CAMTA1: variants seen among roughly 807,000 people sequenced by gnomAD.
CAMTA1 encodes calmodulin binding transcription activator 1, also known as calmodulin-binding transcription activator 1.
CAMTA1 carries 27 observed loss-of-function variants against 170.9 expected under a neutral mutation model. The observed-to-expected ratio is 0.16, with a 90% CI of 0.12 to 0.22. The LOEUF is 0.22. Ranked by LOEUF, CAMTA1 falls within the 10% of genes least tolerant of loss-of-function variation. The pLI is 1.00. For missense variants in CAMTA1, 1,619 were observed against 2,217.2 expected (o/e 0.73, Z 5.42); for synonymous variants, 833 against 891.5 (o/e 0.93, Z 1.17).
intron 4 of CAMTA1, among the ~76,000 whole-genome samples, chr1:7,163,998 A>G (rs531428053): frequency 4.6e-5 from 7 of 152,314 alleles, no homozygotes; most frequent in South Asian, 2.1e-4. Flanking sequence ...AGCACCTACT[A>G]TGTGCTCAAA....
chr1:7,558,516 A>G (rs2094912086), intron 6 of CAMTA1, among the ~76,000 whole-genome samples: 1 of 152,208 alleles, frequency 6.6e-6, no homozygotes, highest in Non-Finnish European at 1.5e-5. Context: ...AAAGTCTTAA[A>G]ATGTATTTAG....
chr1:7,436,801 C>T (rs549952725), intron 5 of CAMTA1, among the ~76,000 whole-genome samples: 9 of 152,268 alleles, frequency 5.9e-5, no homozygotes, highest in African/African-American at 1.4e-4. Context: ...GGGGTCCCAG[C>T]GGGGCGGATG....
chr1:7,488,971 GCACA>G lies in CAMTA1; in HGVS notation c.510+21082_510+21085del, dbSNP rs534918581. On this transcript the variant is annotated intron_variant, in intron 6 of 22. Coordinates refer to ENST00000303635, the MANE Select transcript of CAMTA1 (RefSeq NM_015215.4). ...TTCACACATACACATATACATACAA[GCACA>G]CACACACACACGCTGCCACCCCCAG... Among the ~76,000 whole-genome samples the G allele has an allele frequency of 5.3e-5, 8 of 151,214 alleles. No individual in the cohort carries two copies. In the Middle Eastern group the frequency reaches 0.01, roughly 196 times the overall value.
At position 7,663,648 on chromosome 1, in the gene CAMTA1, C is replaced by T. The variant is rs775411148; in HGVS notation, c.1101C>T (p.Asn367=). Residue 367 remains asparagine (N), a synonymous_variant, in exon 9 of 23, where the codon AAC becomes AAT. Coordinates refer to ENST00000303635, the MANE Select transcript of CAMTA1 (RefSeq NM_015215.4). The part of the protein sequence containing the change: ...SSPVSISSGL[N]SDPDMVDSPV... Reference sequence around the variant, plus strand: ...CTGTGTCCATCAGCAGCGGGCTCAACAGCGACCCGGACATGGTGGACAGCC... The same window carrying T: ...CTGTGTCCATCAGCAGCGGGCTCAATAGCGACCCGGACATGGTGGACAGCC... 7 of 1,614,074 alleles carry T rather than the reference C, an allele frequency of 4.3e-6. No individual in the cohort carries two copies. Among genetic ancestry groups the T allele is most frequent in the African/African-American group, 2.7e-5 (2 of 74,934 alleles).
At chr1:7,104,497 CCTT>C (rs960146739) in intron 4 of CAMTA1, among the ~76,000 whole-genome samples, 1 of 152,172 alleles carries the variant, frequency 6.6e-6, no homozygotes, top group Admixed American at 6.5e-5. Flanking sequence ...TGGAGTCTGA[CCTT>C]CTGAGTGTGG....
At chr1:7,631,134 C>T (rs1204518829) in intron 6 of CAMTA1, among the ~76,000 whole-genome samples, 1 of 152,190 alleles carries the variant, frequency 6.6e-6, no homozygotes, top group Non-Finnish European at 1.5e-5. Flanking sequence ...ACAGGGACAT[C>T]TGCAGCCTCG....
At position 7,516,939 on chromosome 1, in the gene CAMTA1, A is replaced by G. The variant is rs151214885; in HGVS notation, c.510+49038A>G. Among the ~76,000 whole-genome samples, 19 of 152,304 alleles carry G rather than the reference A, an allele frequency of 1.2e-4. 1 individual carries two copies. In the East Asian group the frequency reaches 2.5e-3, roughly 20 times the overall value. On this transcript the variant is annotated intron_variant, in intron 6 of 22. Coordinates refer to ENST00000303635, the MANE Select transcript of CAMTA1 (RefSeq NM_015215.4). The stretch of plus-strand genomic sequence containing the variant: ...AATCCATGCCCATGTTTAAAAATCT[A>G]ATCATTAAAAAAAGGTAGAATGGTA...
intron 3 of CAMTA1, among the ~76,000 whole-genome samples, chr1:7,017,976 T>G (rs1314332240): frequency 2.6e-5 from 4 of 151,990 alleles, no homozygotes; most frequent in East Asian, 3.9e-4. Flanking sequence ...TTTGTTTTTT[T>G]TTTTCTGAGA....
chr1:6,962,524 C>T (rs1690636180), intron 3 of CAMTA1, among the ~76,000 whole-genome samples: 1 of 151,106 alleles, frequency 6.6e-6, no homozygotes, highest in Non-Finnish European at 1.5e-5. Flanking sequence ...TATGGACCTG[C>T]CCTCGTCTGG....
At chr1:7,583,779 G>C (rs530095845) in intron 6 of CAMTA1, among the ~76,000 whole-genome samples, 43 of 133,096 alleles carry the variant, frequency 3.2e-4, no homozygotes, top group African/African-American at 1.8e-3. Context: ...GGAAGACACA[G>C]GGGGGTTCAA....
chr1:7,744,915 G>A lies in CAMTA1; in HGVS notation c.4263G>A (p.Glu1421=), dbSNP rs1287157765. The A allele has an allele frequency of 1.9e-6, 3 of 1,614,102 alleles. No homozygotes were observed. Among genetic ancestry groups the A allele is most frequent in the Admixed American group, 3.3e-5 (2 of 60,020 alleles). The change falls in exon 17 of 23, where the codon GAG becomes GAA. Residue 1421 remains glutamate, a synonymous_variant. Transcript: ENST00000303635. Reference sequence around the variant, plus strand: ...AGCAGGAGAATTTTGTGCCCATGGAGTCCTCAGGATTGGAAAGAACAGACC... The same window carrying A: ...AGCAGGAGAATTTTGTGCCCATGGAATCCTCAGGATTGGAAAGAACAGACC... ...RIKQENFVPM[E]SSGLERTDPA...
rs557029430 is a variant in CAMTA1, at chr1:6,795,799, C to A, written c.45+10224C>A. On this transcript the variant is annotated intron_variant, in intron 1 of 22. Transcript: ENST00000303635. Reference sequence around the variant, plus strand: ...ATTTTCATTCATGAATCTGATTCTTCTAAATTTTTTTCCTGTTTTGTATTC... The same window carrying A: ...ATTTTCATTCATGAATCTGATTCTTATAAATTTTTTTCCTGTTTTGTATTC... Among the ~76,000 whole-genome samples, 4 of 152,278 alleles carry A rather than the reference C, an allele frequency of 2.6e-5. No individual in the cohort carries two copies. In the East Asian group the frequency reaches 7.7e-4, roughly 29 times the overall value.
At chr1:7,339,338 T>C (rs1354408934) in intron 5 of CAMTA1, among the ~76,000 whole-genome samples, 1 of 152,152 alleles carries the variant, frequency 6.6e-6, no homozygotes, top group Non-Finnish European at 1.5e-5. Flanking sequence ...TAGGTGAGTG[T>C]GGAGTATTTC....
intron 4 of CAMTA1, among the ~76,000 whole-genome samples, chr1:7,106,361 G>A (rs148135187): frequency 4.5e-4 from 68 of 152,042 alleles, no homozygotes; most frequent in African/African-American, 1.5e-3. Flanking sequence ...CAAAAGAGAG[G>A]GAGGGAGATG....
Position 7,521,460 on chromosome 1 carries a change from T to TTGTG in CAMTA1, c.510+53579_510+53582dup, listed in dbSNP as rs577852016. On this transcript the variant is annotated intron_variant, in intron 6 of 22. Transcript: ENST00000303635. ...CCGTTTTCCCCATTTTTACTTGCAT[T>TTGTG]TGTGTGTGTGTGTGTGTGTGTGTTT... 3.0e-3 allele frequency among the ~76,000 whole-genome samples: 445 copies of TTGTG among 149,816 alleles called. 3 individuals are homozygous for TTGTG. The highest frequency in any genetic ancestry group is 0.01 in the African/African-American group (418 of 41,002).
At chr1:7,099,615 T>C (rs1342924306) in intron 4 of CAMTA1, among the ~76,000 whole-genome samples, 1 of 152,244 alleles carries the variant, frequency 6.6e-6, no homozygotes, top group Non-Finnish European at 1.5e-5. Flanking sequence ...TTTCTTACTG[T>C]GTCCACTGCC....
chr1:7,022,392 A>G (rs893228178), intron 3 of CAMTA1, among the ~76,000 whole-genome samples: 2 of 152,096 alleles, frequency 1.3e-5, no homozygotes, highest in Admixed American at 6.5e-5. Context: ...GGCCAGTGGT[A>G]GGGGCTAGCT....
At chr1:7,394,292 A>G (rs1195342980) in intron 5 of CAMTA1, among the ~76,000 whole-genome samples, 1 of 152,136 alleles carries the variant, frequency 6.6e-6, no homozygotes, top group African/African-American at 2.4e-5. Context: ...GGCTGTACTA[A>G]TTTACATTCC....
At chr1:7,077,224 G>GTTTTTT (rs113439901) in intron 3 of CAMTA1, among the ~76,000 whole-genome samples, 8 of 118,626 alleles carry the variant, frequency 6.7e-5, no homozygotes, top group African/African-American at 2.2e-4. Context: ...TTAAGGAAAG[G>GTTTTTT]TTTTTTTTTT....
Sources: allele counts gnomAD v4.1 joint callset (sites outside exome capture counted in the v4.1 genomes callset), GRCh38; gene constraint gnomAD v4.1.1; transcripts MANE v1.5; gene names NCBI Gene and HGNC (gene_info 2026-07-23, HGNC 2026-07-21).